Variants in MGAT4C observed in about 807,000 individuals in gnomAD.
MGAT4C encodes the protein alpha-1,3-mannosyl-glycoprotein 4-beta-N-acetylglucosaminyltransferase C.
A neutral mutation model predicts 40.1 loss-of-function variants in MGAT4C; 19 were observed. The ratio of observed to expected loss-of-function variants is 0.47; its 90% CI spans 0.33 to 0.70. MGAT4C has a LOEUF of 0.70. MGAT4C is among the 30% of genes least tolerant of loss of function. The pLI, the probability that MGAT4C is intolerant of heterozygous loss-of-function variation, is 0.02. For missense variants in MGAT4C, 491 were observed against 563.2 expected (o/e 0.87, Z 1.30); for synonymous variants, 181 against 187.1 (o/e 0.97, Z 0.27).
intron 2 of MGAT4C, among the ~76,000 whole-genome samples, chr12:86,047,929 C>T (rs909395328): frequency 1.0e-4 from 13 of 126,374 alleles, no homozygotes; most frequent in African/African-American, 4.1e-4. Flanking sequence ...TGTGTGCAAT[C>T]ATAGTTAAAA....
chr12:86,276,192 G>A (rs1479433271), intron 4 of MGAT4C, among the ~76,000 whole-genome samples: 1 of 151,438 alleles, frequency 6.6e-6, no homozygotes, highest in East Asian at 1.9e-4. Flanking sequence ...TACAAGTATA[G>A]GAAATTAATA....
rs1032839876 is a variant in MGAT4C at position 85,967,813 on chromosome 12, T to A, written c.*11476A>T. 6.6e-6 allele frequency: 1 copy of A among 152,092 alleles called. No individual in the cohort carries two copies. Among genetic ancestry groups the A allele is most frequent in the Non-Finnish European group, 1.5e-5 (1 of 67,960 alleles). 9.4% of individuals were successfully genotyped at this position (152,092 alleles called of 1,614,324 possible). A position where few individuals can be genotyped will look rare whatever the true frequency, so the allele number is the denominator to read the frequency against. On this transcript the variant is annotated 3_prime_UTR_variant, in exon 5 of 5. Transcript: ENST00000611864. ...ATCCTTGGAACTATGTGTGAATATG[T>A]GTGTGTGAATTATCTGTGTATATTT...
intron 1 of MGAT4C, among the ~76,000 whole-genome samples, chr12:86,172,277 T>C (rs764495499): frequency 2.0e-5 from 3 of 152,164 alleles, no homozygotes; most frequent in Non-Finnish European, 4.4e-5. Flanking sequence ...ATCTGGGAAA[T>C]ATTATTTTCA....
rs896871742 is a variant in MGAT4C at position 86,534,744 on chromosome 12, G to T, written c.-228-99479C>A. On this transcript the variant is annotated intron_variant, in intron 2 of 7. Coordinates refer to the MGAT4C transcript ENST00000548651. ...CAATCTTACAAATTTACAATTCAAT[G>T]GTTTTTGCTTCATAATAGATGTAAT... Among the ~76,000 whole-genome samples the T allele has an allele frequency of 3.3e-5, 5 of 152,048 alleles. No individual in the cohort carries two copies. In the South Asian group the frequency reaches 1.0e-3, roughly 32 times the overall value.
intron 2 of MGAT4C, among the ~76,000 whole-genome samples, chr12:86,637,917 T>G (rs1463453819): frequency 6.6e-6 from 1 of 151,944 alleles, no homozygotes; most frequent in Non-Finnish European, 1.5e-5. Flanking sequence ...CAGCTATTTT[T>G]GCTGAAACCA....
chr12:86,290,989 A>C (rs1249526538), intron 4 of MGAT4C, among the ~76,000 whole-genome samples: 5 of 152,190 alleles, frequency 3.3e-5, no homozygotes, highest in African/African-American at 9.6e-5. Context: ...TGCTTTGAAC[A>C]ACCAAGACCC....
At chr12:86,694,532 A>G (rs1302548052) in intron 2 of MGAT4C, among the ~76,000 whole-genome samples, 1 of 152,146 alleles carries the variant, frequency 6.6e-6, no homozygotes, top group African/African-American at 2.4e-5. Context: ...ATATAATTTG[A>G]TGTATTTTTT....
At chr12:86,770,933 T>C (rs1951622367) in intron 1 of MGAT4C, among the ~76,000 whole-genome samples, 1 of 152,118 alleles carries the variant, frequency 6.6e-6, no homozygotes, top group Admixed American at 6.6e-5. Flanking sequence ...AACTCATATG[T>C]TGAGTTCATA....
intron 1 of MGAT4C, among the ~76,000 whole-genome samples, chr12:86,167,256 T>C (rs1184566811): frequency 1.6e-4 from 25 of 152,214 alleles, no homozygotes; most frequent in Non-Finnish European, 2.9e-5. Context: ...ATAATCATGA[T>C]AGTTATAGTC....
rs913340326 is a variant in MGAT4C, at chr12:85,976,121, C to A, written c.*3168G>T. On this transcript the variant is annotated 3_prime_UTR_variant, in exon 5 of 5. Coordinates refer to ENST00000611864, the MANE Select transcript of MGAT4C (RefSeq NM_001351288.2). ...TTTTTTATATAATTATTATACAGAA[C>A]AGTTTTTCTATGATAGCATTATAAA... 1.3e-5 allele frequency: 2 copies of A among 150,936 alleles called. No individual in the cohort carries two copies. The highest frequency in any genetic ancestry group is 4.8e-5 in the African/African-American group (2 of 41,304). The allele number at this position is 150,936 out of a possible 1,614,324, so 9.3% of individuals were successfully genotyped here. A position where few individuals can be genotyped will look rare whatever the true frequency, so the allele number is the denominator to read the frequency against.
At chr12:86,660,027 C>G (rs112687714) in intron 2 of MGAT4C, among the ~76,000 whole-genome samples, 2,124 of 150,796 alleles carry the variant, frequency 0.014, 26 homozygotes, top group Middle Eastern at 0.038. Flanking sequence ...ATTTACACAG[C>G]TTGAAGTCAT....
chr12:86,376,117 G>A (rs1025208070), intron 3 of MGAT4C, among the ~76,000 whole-genome samples: 5 of 151,748 alleles, frequency 3.3e-5, no homozygotes, highest in Non-Finnish European at 5.9e-5. Flanking sequence ...GCTGTAGGGT[G>A]GCTCATGCCT....
rs559131683 is a variant in MGAT4C at position 86,650,597 on chromosome 12, T to A, written c.-229+76612A>T. Among the ~76,000 whole-genome samples the A allele has an allele frequency of 4.6e-5, 7 of 152,032 alleles. No individual in the cohort carries two copies. In the South Asian group the frequency reaches 1.5e-3, roughly 32 times the overall value. ...GTGGTTTTAATTTGACTTATGATTC[T>A]CTTGCCCTCTAGTGGGTCTAGAAGT... On this transcript the variant is annotated intron_variant, in intron 2 of 7. Transcript: ENST00000548651.
chr12:86,823,976 T>C (rs994467639), intron 1 of MGAT4C, among the ~76,000 whole-genome samples: 3 of 151,456 alleles, frequency 2.0e-5, no homozygotes, highest in Non-Finnish European at 4.4e-5. Flanking sequence ...ACATATTACA[T>C]AGAAAGTTCC....
At chr12:86,469,778 A>AT (rs1445868162) in intron 2 of MGAT4C, among the ~76,000 whole-genome samples, 1 of 152,184 alleles carries the variant, frequency 6.6e-6, no homozygotes, top group African/African-American at 2.4e-5. Context: ...GATAACTGTT[A>AT]TGGTTTTCAG....
At position 85,979,598 on chromosome 12, in the gene MGAT4C, T is replaced by A; in HGVS notation, c.1128A>T (p.Gly376=). Residue 376 remains glycine (G), a synonymous_variant, in exon 5 of 5, where the codon GGA becomes GGT. Coordinates refer to ENST00000611864, the MANE Select transcript of MGAT4C (RefSeq NM_001351288.2). ...EYFWGKPPST[G]DVFVIVFENP... is the part of the protein sequence containing the mutation. The stretch of plus-strand genomic sequence containing the variant: ...TTTCAAATACAATCACAAAAACATC[T>A]CCTGTTGAAGGTGGTTTCCCCCAAA... The A allele has an allele frequency of 6.2e-7, 1 of 1,609,826 alleles. No individual in the cohort carries two copies. Among genetic ancestry groups the A allele is most frequent in the Non-Finnish European group, 8.5e-7 (1 of 1,178,690 alleles).
chr12:86,234,991 T>C (rs555862055), intron 1 of MGAT4C, among the ~76,000 whole-genome samples: 1 of 152,238 alleles, frequency 6.6e-6, no homozygotes, highest in African/African-American at 2.4e-5. Context: ...CTTCATTCTG[T>C]CTCTTCTTAA....
chr12:86,788,370 C>G (rs753480154), intron 1 of MGAT4C, among the ~76,000 whole-genome samples: 1 of 148,960 alleles, frequency 6.7e-6, no homozygotes. Flanking sequence ...TCATGTTGAT[C>G]TTGTCTCTCA....
At chr12:86,216,721 T>C (rs839106) in intron 1 of MGAT4C, among the ~76,000 whole-genome samples, 135,420 of 152,238 alleles carry the variant, frequency 0.89, 60,402 homozygotes, top group East Asian at 1. Flanking sequence ...AAAACTAACC[T>C]GAATACTTTT....
Sources: gnomAD v4.1 joint callset for allele counts (sites outside exome capture counted in the v4.1 genomes callset) on GRCh38, gnomAD v4.1.1 for gene constraint, MANE v1.5 for transcripts, NCBI Gene and HGNC (gene_info 2026-07-23, HGNC 2026-07-21) for gene names.